COL26A1: variants seen among roughly 807,000 people sequenced by gnomAD.
COL26A1 encodes the protein collagen alpha-1(XXVI) chain.
Under a neutral mutation model 59.3 loss-of-function variants are expected in COL26A1, and 41 were observed. The observed-to-expected ratio is 0.69, with a 90% CI of 0.54 to 0.90. COL26A1 has a LOEUF of 0.90. Among genes scored for constraint, COL26A1 ranks in the 40% least tolerant of loss-of-function variants. The pLI is 0.00. For missense variants in COL26A1, 612 were observed against 602.3 expected, an observed-to-expected ratio of 1.02 and a Z score of -0.17; for synonymous variants, 266 against 256.0, an observed-to-expected ratio of 1.04 and a Z score of -0.37.
intron 3 of COL26A1, among the ~76,000 whole-genome samples, chr7:101,508,154 C>T (rs951989548): frequency 2.0e-5 from 3 of 152,172 alleles, no homozygotes; most frequent in Non-Finnish European, 4.4e-5. Context: ...GCTCTCCAAA[C>T]ACACTGGAGC....
chr7:101,468,250 C>T (rs1242681969), intron 3 of COL26A1, among the ~76,000 whole-genome samples: 1 of 150,618 alleles, frequency 6.6e-6, no homozygotes, highest in Non-Finnish European at 1.5e-5. Context: ...TGCAGCCAGC[C>T]AAGATCACAC....
intron 3 of COL26A1, among the ~76,000 whole-genome samples, chr7:101,484,908 GC>G (rs1008006590): frequency 7.3e-5 from 11 of 151,446 alleles, no homozygotes; most frequent in Admixed American, 6.6e-4. Context: ...AGGCTGGAGT[GC>G]AGTGGCACAA....
At chr7:101,377,521 G>A (rs1255782240) in intron 1 of COL26A1, among the ~76,000 whole-genome samples, 2 of 152,162 alleles carry the variant, frequency 1.3e-5, no homozygotes, top group Admixed American at 1.3e-4. Context: ...TGACTGTCTG[G>A]ACTCAAGTGA....
chr7:101,396,918 T>G (rs1414652563), intron 1 of COL26A1, among the ~76,000 whole-genome samples: 1 of 152,066 alleles, frequency 6.6e-6, no homozygotes, highest in African/African-American at 2.4e-5. Context: ...CTCCACATCT[T>G]GTGGCTGTGG....
chr7:101,372,141 T>C (rs1791209715), intron 1 of COL26A1, among the ~76,000 whole-genome samples: 1 of 152,156 alleles, frequency 6.6e-6, no homozygotes, highest in African/African-American at 2.4e-5. Flanking sequence ...TCCACAAATA[T>C]ATGAAGCCTT....
chr7:101,452,544 G>T (rs1381074201), intron 3 of COL26A1, among the ~76,000 whole-genome samples: 2 of 152,088 alleles, frequency 1.3e-5, no homozygotes, highest in Non-Finnish European at 2.9e-5. Context: ...TGGAAGATTT[G>T]TCTTTATGGG....
At chr7:101,468,042 C>G (rs1217693535) in intron 3 of COL26A1, among the ~76,000 whole-genome samples, 2 of 152,114 alleles carry the variant, frequency 1.3e-5, no homozygotes, top group Non-Finnish European at 2.9e-5. Context: ...ATGATTCACA[C>G]TTGTAATCCC....
At position 101,466,837 on chromosome 7, in the gene COL26A1, T is replaced by TGTGTGTGTGTGTGTGTGA. The variant is rs764059657; in HGVS notation, c.385+19051_385+19052insTGTGTGTGTGTGTGTGAG. On this transcript the variant is annotated intron_variant, in intron 3 of 12. Coordinates refer to ENST00000313669, the MANE Select transcript of COL26A1 (RefSeq NM_001278563.3). ...GTGTGTGTGTGTGTGTGTGTGTGTG[T>TGTGTGTGTGTGTGTGTGA]GAGAGAGAGAGATTCAGTCTCTGCC... Among the ~76,000 whole-genome samples, 600 of 122,606 alleles carry TGTGTGTGTGTGTGTGTGA rather than the reference T, an allele frequency of 4.9e-3. 5 individuals are homozygous for TGTGTGTGTGTGTGTGTGA. Among genetic ancestry groups the TGTGTGTGTGTGTGTGTGA allele is most frequent in the African/African-American group, 0.014 (436 of 31,420 alleles). The allele number at this position is 122,606 out of a possible 152,430, so 80.4% of individuals were successfully genotyped here.
intron 3 of COL26A1, among the ~76,000 whole-genome samples, chr7:101,482,436 T>C (rs1794176583): frequency 6.6e-6 from 1 of 152,198 alleles, no homozygotes; most frequent in African/African-American, 2.4e-5. Context: ...AAGAAGGAAG[T>C]GGCAGAAAGG....
At chr7:101,547,596 G>C (rs559343948) in intron 8 of COL26A1, among the ~76,000 whole-genome samples, 8 of 152,232 alleles carry the variant, frequency 5.3e-5, no homozygotes, top group Admixed American at 5.2e-4. Flanking sequence ...GTTCAAAGGG[G>C]CTGGGACCTG....
intron 3 of COL26A1, among the ~76,000 whole-genome samples, chr7:101,525,525 C>A (rs189520568): frequency 2.2e-3 from 310 of 139,752 alleles, no homozygotes; most frequent in Non-Finnish European, 3.7e-3. Flanking sequence ...GAGATGGAGT[C>A]TCTCTCTGTC....
chr7:101,380,982 T>C (rs538656048), intron 1 of COL26A1, among the ~76,000 whole-genome samples: 1 of 152,346 alleles, frequency 6.6e-6, no homozygotes, highest in East Asian at 1.9e-4. Context: ...TCTGTCATCC[T>C]TGCCTGGATT....
intron 5 of COL26A1, among the ~76,000 whole-genome samples, chr7:101,543,712 G>C (rs1202140617): frequency 6.6e-6 from 1 of 152,230 alleles, no homozygotes; most frequent in Non-Finnish European, 1.5e-5. Context: ...CAGCCTGGCT[G>C]TGTGAGCTTG....
intron 3 of COL26A1, among the ~76,000 whole-genome samples, chr7:101,511,860 G>T (rs1034418884): frequency 1.3e-5 from 2 of 152,072 alleles, no homozygotes; most frequent in Admixed American, 6.5e-5. Flanking sequence ...GGGCATGGTG[G>T]TGCACACCTG....
At chr7:101,434,148 TTCTCTCTCGTTCTTTCTCTCC>T (rs1299878999) in intron 2 of COL26A1, among the ~76,000 whole-genome samples, 56 of 130,704 alleles carry the variant, frequency 4.3e-4, no homozygotes, top group Admixed American at 6.8e-4. Flanking sequence ...CTGTCTCTCT[TTCTCTCTCGTTCTTTCTCTCC>T]CCTTCCTTCC....
intron 3 of COL26A1, among the ~76,000 whole-genome samples, chr7:101,520,441 T>C (rs1220199595): frequency 1.3e-5 from 2 of 152,030 alleles, no homozygotes; most frequent in Non-Finnish European, 2.9e-5. Context: ...TCCCTACACT[T>C]TGAGAGGCCG....
chr7:101,489,662 T>TTTCTGTCTTTCTTTCTTTCTGTCTTTC (rs1794353126), intron 3 of COL26A1, among the ~76,000 whole-genome samples: 1 of 53,726 alleles, frequency 1.9e-5, no homozygotes, highest in Non-Finnish European at 3.4e-5. Context: ...TCTTTCTTTC[T>TTTCTGTCTTTCTTTCTTTCTGTCTTTC]TCCTTCCTTC....
chr7:101,493,102 G>A (rs1794502280), intron 3 of COL26A1, among the ~76,000 whole-genome samples: 1 of 152,192 alleles, frequency 6.6e-6, no homozygotes, highest in Non-Finnish European at 1.5e-5. Flanking sequence ...ATGGGGAAGA[G>A]AGGTTACTTT....
In COL26A1 at chr7:101,363,036, A is replaced by G; in HGVS notation, c.4A>G (p.Lys2Glu). ...TCCCCGCGGGCTGCTGCGCACGATG[A>G]AGCTGGCCCTGCTCCTGCCCTGGGC... is the stretch of plus-strand genomic sequence containing the variant. M[K>E]LALLLPWACC... Residue 2 changes from lysine to glutamate, a missense_variant, in exon 1 of 13, where the codon AAG becomes GAG. By Grantham distance (56) the Lys-to-Glu change is moderately conservative (BLOSUM62 1). Transcript: ENST00000313669. The G allele has an allele frequency of 6.3e-7, 1 of 1,576,414 alleles. No individual in the cohort carries two copies. Among genetic ancestry groups the G allele is most frequent in the East Asian group, 2.3e-5 (1 of 42,630 alleles).
Sources: gnomAD v4.1 joint callset for allele counts (sites outside exome capture counted in the v4.1 genomes callset) on GRCh38, gnomAD v4.1.1 for gene constraint, MANE v1.5 for transcripts, NCBI Gene and HGNC (gene_info 2026-07-23, HGNC 2026-07-21) for gene names.